TRIM41: variants seen among roughly 807,000 people sequenced by gnomAD.
TRIM41 encodes the protein tripartite motif containing 41, also known as E3 ubiquitin-protein ligase TRIM41.
In TRIM41, 21 loss-of-function variants were observed where a neutral mutation model predicts 60.6. The ratio of observed to expected loss-of-function variants is 0.35; its 90% confidence interval spans 0.25 to 0.50. TRIM41 has a LOEUF of 0.50. TRIM41 is among the 20% of genes least tolerant of loss of function. TRIM41 has a pLI of 0.98. For synonymous variants in TRIM41, 407 were observed against 344.9 expected, an observed-to-expected ratio of 1.18 and a Z score of -2.00; for missense variants, 846 against 868.3, an observed-to-expected ratio of 0.97 and a Z score of 0.32.
In TRIM41 at chr5:181,235,212, G is replaced by C. The variant is rs1582287657; in HGVS notation, c.*437G>C. 6.4e-7 allele frequency: 1 copy of C among 1,561,170 alleles called. No individual in the cohort carries two copies. ...CATCCCCATTCCAATTCCATTTTCT[G>C]ATGCAGATTTTAGCTGAGGGATTTG... On this transcript the variant is annotated 3_prime_UTR_variant, in exon 6 of 6. Transcript: ENST00000315073.
chr5:181,235,551 C>CT lies in TRIM41; in HGVS notation c.*777dup, dbSNP rs1759072624. The CT allele has an allele frequency of 8.1e-6, 8 of 983,958 alleles. No individual in the cohort carries two copies. The Admixed American group carries it at 1.1e-4, about 13-fold the overall frequency. 61.0% of individuals were successfully genotyped at this position (983,958 alleles called of 1,614,324 possible). On this transcript the variant is annotated 3_prime_UTR_variant, in exon 6 of 6. Transcript: ENST00000315073. The stretch of plus-strand genomic sequence containing the variant: ...CAGGTCTGCTCACTGCCAGGCTCCT[C>CT]TCCCCTTTGTTCAGTGGAGCTGGCT...
chr5:181,226,728 C>T (rs888474690), intron 1 of TRIM41: 2 of 152,204 alleles, frequency 1.3e-5, no homozygotes, highest in Non-Finnish European at 2.9e-5. Flanking sequence ...CTTTCACCTC[C>T]CCCTGTAGGA....
Position 181,235,582 on chromosome 5 carries a change from C to T in TRIM41, c.*807C>T. The T allele has an allele frequency of 2.6e-6, 2 of 758,930 alleles. No individual in the cohort carries two copies. Among genetic ancestry groups the T allele is most frequent in the South Asian group, 1.8e-5 (1 of 55,636 alleles). 47.0% of individuals were successfully genotyped at this position (758,930 alleles called of 1,614,324 possible). ...TTTGTTCAGTGGAGCTGGCTTTTCT[C>T]CCAGCCCCTTTCCATGCCTTTCACT... is the stretch of plus-strand genomic sequence containing the variant. On this transcript the variant is annotated 3_prime_UTR_variant, in exon 6 of 6. Coordinates refer to ENST00000315073, the MANE Select transcript of TRIM41 (RefSeq NM_033549.5).
At position 181,224,234 on chromosome 5, in the gene TRIM41, G is replaced by C; in HGVS notation, c.235G>C (p.Gly79Arg). 6.2e-7 allele frequency: 1 copy of C among 1,613,734 alleles called. No homozygotes were observed. Reference protein sequence around the residue: ...EEEEVEAVGAGAGWDTPMRDE... With the variant: ...EEEEVEAVGARAGWDTPMRDE... ...GGAGGAAGTGGAGGCTGTGGGGGCT[G>C]GCGCGGGGTGGGACACCCCCATGCG... Residue 79 changes from glycine to arginine, a missense_variant, in exon 1 of 6, where the codon GGC (glycine) becomes CGC (arginine). Transcript: ENST00000315073.
Position 181,223,809 on chromosome 5 carries a change from C to T in TRIM41, c.-191C>T, listed in dbSNP as rs933994245. On this transcript the variant is annotated 5_prime_UTR_variant, in exon 1 of 6. The change creates a new upstream start codon in the 5' untranslated region. Coordinates refer to ENST00000315073, the MANE Select transcript of TRIM41 (RefSeq NM_033549.5). ...ACTGTCCCCTCCCCTCGTAGAGACA[C>T]GGTTGTCGTTTGGGAGTAGGGAACA... 3 of 634,386 alleles carry T rather than the reference C, an allele frequency of 4.7e-6. No individual in the cohort carries two copies. Among genetic ancestry groups the T allele is most frequent in the Non-Finnish European group, 5.4e-6 (2 of 367,914 alleles). 39.3% of individuals were successfully genotyped at this position (634,386 alleles called of 1,614,324 possible).
intron 1 of TRIM41, chr5:181,228,970 A>G (rs1223671817): frequency 6.6e-6 from 1 of 151,444 alleles, no homozygotes. Context: ...AGTAAATGGT[A>G]AATTTAAGCG....
At position 181,223,997 on chromosome 5, in the gene TRIM41, A is replaced by C; in HGVS notation, c.-3A>C. On this transcript the variant is annotated 5_prime_UTR_variant, in exon 1 of 6. Transcript: ENST00000315073. ...CCTCTACACTGGCTGGCTGGACACT[A>C]AGATGGCTGCCGTTGCCATGACACC... 1 of 1,609,412 alleles carries C rather than the reference A, an allele frequency of 6.2e-7. No homozygotes were observed. The highest frequency in any genetic ancestry group is 8.5e-7 in the Non-Finnish European group (1 of 1,176,804).
Position 181,233,946 on chromosome 5 carries a change from G to T in TRIM41, c.1291+183G>T. The T allele has an allele frequency of 1.7e-6, 2 of 1,170,360 alleles. No homozygotes were observed. The highest frequency in any genetic ancestry group is 2.4e-6 in the Non-Finnish European group (2 of 826,946). 72.5% of individuals were successfully genotyped at this position (1,170,360 alleles called of 1,614,324 possible). On this transcript the variant is annotated intron_variant, in intron 5 of 5. Coordinates refer to ENST00000315073, the MANE Select transcript of TRIM41 (RefSeq NM_033549.5). The surrounding 1 kb of genome is among the most constrained non-coding windows in gnomAD (Gnocchi z 4.1). ...AGACCTAGTGCAGGCAGGCCTGGAG[G>T]GTGGGGTGGGGTGGAGTGGCAGGAA...
At position 181,233,158 on chromosome 5, in the gene TRIM41, C is replaced by G. The variant is rs1758882689; in HGVS notation, c.1141-255C>G. Reference sequence around the variant, plus strand: ...GGAAAGTCTTTTTGACAGTGACATCCTGAAAAAGGTGAGCAAGTCGTATTG... The same window carrying G: ...GGAAAGTCTTTTTGACAGTGACATCGTGAAAAAGGTGAGCAAGTCGTATTG... On this transcript the variant is annotated intron_variant, in intron 3 of 5. Coordinates refer to ENST00000315073, the MANE Select transcript of TRIM41 (RefSeq NM_033549.5). This position sits in a 1 kb window ranked among gnomAD's most constrained non-coding sequence, Gnocchi z 4.1. 1 of 712,812 alleles carries G rather than the reference C, an allele frequency of 1.4e-6. No individual in the cohort carries two copies. Among genetic ancestry groups the G allele is most frequent in the South Asian group, 1.5e-5 (1 of 67,366 alleles). The allele number at this position is 712,812 out of a possible 1,614,324, so 44.2% of individuals were successfully genotyped here. A position where few individuals can be genotyped will look rare whatever the true frequency, so the allele number is the denominator to read the frequency against.
At chr5:181,227,825 C>T (rs965091887) in intron 1 of TRIM41, 2 of 151,994 alleles carry the variant, frequency 1.3e-5, no homozygotes, top group African/African-American at 4.8e-5. Context: ...CTCACTCTGG[C>T]CAGGCTAGAA....
Position 181,223,477 on chromosome 5 carries a change from T to C in TRIM41, c.-523T>C. On this transcript the variant is annotated 5_prime_UTR_variant, in exon 1 of 6. Transcript: ENST00000315073. ...TTCTTTCTGCGTTCCCCGCGGCCTC[T>C]TACCACAGAGACGCGGGCCTCCACC... The C allele has an allele frequency of 2.5e-6, 1 of 402,334 alleles. No homozygotes were observed. The allele number at this position is 402,334 out of a possible 1,614,324, so 24.9% of individuals were successfully genotyped here.
At position 181,232,514 on chromosome 5, in the gene TRIM41, G is replaced by C; in HGVS notation, c.910-145G>C. ...GGGGTGGTATCTGGTAAGGCTGGTAGGGGATGAGCCTCTTTCCGGGACTAT... is the reference window on the plus strand; with the variant it reads ...GGGGTGGTATCTGGTAAGGCTGGTACGGGATGAGCCTCTTTCCGGGACTAT... On this transcript the variant is annotated intron_variant, in intron 2 of 5. Transcript: ENST00000315073. The C allele has an allele frequency of 4.1e-6, 3 of 727,380 alleles. No individual in the cohort carries two copies. In the South Asian group the frequency reaches 5.5e-5, roughly 13 times the overall value. The allele number at this position is 727,380 out of a possible 1,614,324, so 45.1% of individuals were successfully genotyped here. A position where few individuals can be genotyped will look rare whatever the true frequency, so the allele number is the denominator to read the frequency against.
Position 181,233,573 on chromosome 5 carries a change from AGCTTTT to A in TRIM41, c.1164-56_1164-51del. The stretch of plus-strand genomic sequence containing the variant: ...CCTGGACCCTCCTCTCCTTCCCCTC[AGCTTTT>A]GCTTTTCCCTCTGGGAATATCGTGG... On this transcript the variant is annotated intron_variant, in intron 4 of 5. Transcript: ENST00000315073. This position sits in a 1 kb window ranked among gnomAD's most constrained non-coding sequence, Gnocchi z 4.1. The A allele has an allele frequency of 6.2e-7, 1 of 1,609,296 alleles. No individual in the cohort carries two copies.
At chr5:181,226,714 T>A (rs1171516327) in intron 1 of TRIM41, 16 of 152,232 alleles carry the variant, frequency 1.1e-4, no homozygotes, top group Admixed American at 1.0e-3. Context: ...ATTCCACCCT[T>A]TCTCTTTCAC....
chr5:181,223,968 C>T lies in TRIM41; in HGVS notation c.-32C>T. 11 of 1,578,408 alleles carry T rather than the reference C, an allele frequency of 7.0e-6. No homozygotes were observed. Among genetic ancestry groups the T allele is most frequent in the Non-Finnish European group, 8.6e-6 (10 of 1,158,216 alleles). ...AGACCCCCGCCCCTCGCCCCCCCACCGAACCTCTACACTGGCTGGCTGGAC... is the reference window on the plus strand; with the variant it reads ...AGACCCCCGCCCCTCGCCCCCCCACTGAACCTCTACACTGGCTGGCTGGAC... On this transcript the variant is annotated 5_prime_UTR_variant, in exon 1 of 6. Transcript: ENST00000315073.
chr5:181,224,386 G>T lies in TRIM41; in HGVS notation c.387G>T (p.Glu129Asp). The T allele has an allele frequency of 1.9e-6, 3 of 1,612,662 alleles. No individual in the cohort carries two copies. Among genetic ancestry groups the T allele is most frequent in the Non-Finnish European group, 2.5e-6 (3 of 1,178,890 alleles). ...NMDYVWEEEDEEEDLDYYLGD... is the reference protein window; with the variant it reads ...NMDYVWEEEDDEEDLDYYLGD... ...ACTATGTGTGGGAGGAGGAGGACGA[G>T]GAGGAAGACCTGGACTACTACTTGG... The change falls in exon 1 of 6, where the codon GAG (glutamate) becomes GAT (aspartate). Residue 129 changes from glutamate to aspartate, a missense_variant. Physicochemically the swap from Glu to Asp is conservative, Grantham distance 45. Coordinates refer to ENST00000315073, the MANE Select transcript of TRIM41 (RefSeq NM_033549.5).
rs1220629617 is a variant in TRIM41, at chr5:181,234,727, T to C, written c.1845T>C (p.Pro615=). The change falls in exon 6 of 6, where the codon CCT becomes CCC. Residue 615 remains proline (P), a synonymous_variant. Transcript: ENST00000315073. The surrounding 1 kb of genome is among the most constrained non-coding windows in gnomAD (Gnocchi z 5.6). The stretch of plus-strand genomic sequence containing the variant: ...CCTTCCTGGGCGAGCGTGTCTTTCC[T>C]TTCTTCCGGGTGCTCTCCAAGGGCA... ...SAAFLGERVF[P]FFRVLSKGTR... The C allele has an allele frequency of 1.9e-6, 3 of 1,613,794 alleles. No individual in the cohort carries two copies. Among genetic ancestry groups the C allele is most frequent in the Non-Finnish European group, 2.5e-6 (3 of 1,179,810 alleles).
rs772566659 is a variant in TRIM41 at position 181,234,304 on chromosome 5, C to T, written c.1422C>T (p.Cys474=). 1.2e-4 allele frequency: 200 copies of T among 1,612,356 alleles called. No homozygotes were observed. The Middle Eastern group carries it at 1.8e-3, about 15-fold the overall frequency. ...CCAAGCGCTTCTCGGCCGACTGCTG[C>T]GTACTGGGGGCCCAGGGCTTCCGCT... ...DHPKRFSADC[C]VLGAQGFRSG... is the part of the protein sequence containing the mutation. Residue 474 remains cysteine (C), a synonymous_variant, in exon 6 of 6, where the codon TGC becomes TGT. Coordinates refer to ENST00000315073, the MANE Select transcript of TRIM41 (RefSeq NM_033549.5). This position sits in a 1 kb window ranked among gnomAD's most constrained non-coding sequence, Gnocchi z 5.6.
rs535251049 is a variant in TRIM41, at chr5:181,234,259, G to A, written c.1377G>A (p.Arg459=). 227 of 1,613,114 alleles carry A rather than the reference G, an allele frequency of 1.4e-4. 5 individuals are homozygous for A. The South Asian group carries it at 2.4e-3, about 17-fold the overall frequency. ...DRRGVRLAER[R]QEVADHPKRF... ...GGGGGGTCCGCCTGGCAGAGCGGCG[G>A]CAGGAGGTTGCTGACCATCCCAAGC... The change falls in exon 6 of 6, where the codon CGG becomes CGA. Residue 459 remains arginine (R), a synonymous_variant. Transcript: ENST00000315073. The surrounding 1 kb of genome is among the most constrained non-coding windows in gnomAD (Gnocchi z 5.6).
Sources: allele counts gnomAD v4.1 joint callset, GRCh38; gene constraint gnomAD v4.1.1; non-coding constraint Gnocchi (gnomAD v3.1); transcripts MANE v1.5; gene names NCBI Gene and HGNC (gene_info 2026-07-23, HGNC 2026-07-21).